Variants in NAGLU observed in about 807,000 individuals in gnomAD.
NAGLU encodes the protein N-acetyl-alpha-glucosaminidase.
Under a neutral mutation model 43.4 loss-of-function variants are expected in NAGLU, and 34 were observed. The ratio of observed to expected loss-of-function variants is 0.78; its 90% CI spans 0.60 to 1.04. NAGLU has a LOEUF of 1.04. Among genes scored for constraint, NAGLU ranks in the 50% least tolerant of loss-of-function variants. The probability of loss-of-function intolerance (pLI) is 0.00; values close to 1 mark genes in which losing one functional copy is unlikely to be tolerated. For missense variants in NAGLU, 910 were observed against 993.7 expected, an observed-to-expected ratio of 0.92 and a Z score of 1.13; for synonymous variants, 425 against 437.6, an observed-to-expected ratio of 0.97 and a Z score of 0.36.
intron 1 of NAGLU, 161 bp from the exon 2 acceptor site, chr17:42,537,237 G>A (rs2092908834): frequency 3.8e-6 from 4 of 1,057,058 alleles, no homozygotes; most frequent in Non-Finnish European, 5.6e-6. Flanking sequence ...GCCCAGCCCC[G>A]GTACCTGGTC....
chr17:42,537,230 C>T, intron 1 of NAGLU, 168 bp from the exon 2 acceptor site: 3 of 999,380 alleles, frequency 3.0e-6, no homozygotes, highest in Non-Finnish European at 4.5e-6. Flanking sequence ...CTCAGAAGCC[C>T]AGCCCCGGTA....
chr17:42,538,429 C>T lies in NAGLU; in HGVS notation c.622C>T (p.His208Tyr). The T allele has an allele frequency of 6.2e-7, 1 of 1,614,216 alleles. No individual in the cohort carries two copies. Among genetic ancestry groups the T allele is most frequent in the East Asian group, 2.2e-5 (1 of 44,892 alleles). The change falls in exon 3 of 6, where the codon CAC becomes TAC. Residue 208 changes from histidine (H) to tyrosine (Y), a missense_variant. Transcript: ENST00000225927. The part of the protein sequence containing the change: ...FLAWGRMGNL[H>Y]TWDGPLPPSW... The stretch of plus-strand genomic sequence containing the variant: ...GGCCTGGGGGCGAATGGGCAACCTG[C>T]ACACCTGGGATGGCCCCCTGCCCCC...
intron 2 of NAGLU, 148 bp downstream of exon 2, chr17:42,537,693 TCCGG>T: frequency 8.4e-7 from 1 of 1,196,420 alleles, no homozygotes; most frequent in East Asian, 2.6e-5. Flanking sequence ...AACTGAGGCT[TCCGG>T]CCGGGCGCGG....
chr17:42,542,963 G>T, intron 5 of NAGLU, 65 bp from the exon 6 acceptor site: 1 of 1,594,522 alleles, frequency 6.3e-7, no homozygotes, highest in South Asian at 1.1e-5. Flanking sequence ...AGAGTGGGGT[G>T]AACATTCCCT....
At chr17:42,536,821 T>G (rs2092907691) in intron 1 of NAGLU, 166 bp downstream of exon 1, 5 of 1,286,422 alleles carry the variant, frequency 3.9e-6, no homozygotes, top group Non-Finnish European at 4.0e-6. Flanking sequence ...TTTCAGAGCC[T>G]CGGCTGGCCC....
rs2092913122 is a variant in NAGLU at position 42,538,503 on chromosome 17, G to A, written c.678+18G>A. ...ACCTGCAGGTAAAAGGATGGAAAAG[G>A]GAAGGGGCAGAATCGGTGATAGATG... On this transcript the variant is annotated intron_variant, in intron 3 of 5. Coordinates refer to ENST00000225927, the MANE Select transcript of NAGLU (RefSeq NM_000263.4). The A allele has an allele frequency of 5.0e-6, 8 of 1,613,694 alleles. No individual in the cohort carries two copies. The highest frequency in any genetic ancestry group is 6.8e-6 in the Non-Finnish European group (8 of 1,179,984).
At chr17:42,537,086 T>G in intron 1 of NAGLU, 3 of 465,602 alleles carry the variant, frequency 6.4e-6, no homozygotes, top group African/African-American at 2.0e-5. Flanking sequence ...TGTTAGACTG[T>G]GGGGGCAGGG....
Position 42,544,387 on chromosome 17 carries a change from A to G in NAGLU, c.*149A>G. The G allele has an allele frequency of 8.4e-7, 1 of 1,187,612 alleles. No individual in the cohort carries two copies. Among genetic ancestry groups the G allele is most frequent in the Admixed American group, 2.1e-5 (1 of 47,884 alleles). The allele number at this position is 1,187,612 out of a possible 1,614,324, so 73.6% of individuals were successfully genotyped here. On this transcript the variant is annotated 3_prime_UTR_variant, in exon 6 of 6. Transcript: ENST00000225927. ...TCTGACCTGGGGGGATTGGAGGGAA[A>G]TGACCTGCCCTCCACCACCACCCAA...
At chr17:42,541,271 C>A in intron 5 of NAGLU, 65 bp downstream of exon 5, 1 of 1,597,478 alleles carries the variant, frequency 6.3e-7, no homozygotes, top group Non-Finnish European at 8.5e-7. Context: ...TAGCAGATGT[C>A]AGTAGGGGTA....
chr17:42,537,700 G>C (rs2092910591), intron 2 of NAGLU, among the ~76,000 whole-genome samples, 155 bp downstream of exon 2: 2 of 152,116 alleles, frequency 1.3e-5, no homozygotes, highest in African/African-American at 4.8e-5. Context: ...GCTTCCGGCC[G>C]GGCGCGGTGG....
At position 42,537,534 on chromosome 17, in the gene NAGLU, A is replaced by G; in HGVS notation, c.520A>G (p.Ile174Val). The change falls in exon 2 of 6, where the codon ATC (isoleucine) becomes GTC (valine). Residue 174 changes from isoleucine to valine, a missense_variant. By Grantham distance (29) the Ile-to-Val change is conservative (BLOSUM62 3). Transcript: ENST00000225927. ...ACTGGCCTGGAGCGGCCAGGAGGCC[A>G]TCTGGCAGCGGGTGCGTGCCCACTG... Reference protein sequence around the residue: ...LALAWSGQEAIWQRVYLALGL... With the variant: ...LALAWSGQEAVWQRVYLALGL... 1 of 1,613,998 alleles carries G rather than the reference A, an allele frequency of 6.2e-7. No homozygotes were observed. Among genetic ancestry groups the G allele is most frequent in the Non-Finnish European group, 8.5e-7 (1 of 1,180,000 alleles).
At chr17:42,537,236 C>A in intron 1 of NAGLU, 162 bp from the exon 2 acceptor site, 2 of 1,049,856 alleles carry the variant, frequency 1.9e-6, no homozygotes, top group Non-Finnish European at 1.4e-6. Context: ...AGCCCAGCCC[C>A]GGTACCTGGT....
At chr17:42,537,737 G>T (rs966586301) in intron 2 of NAGLU, among the ~76,000 whole-genome samples, 192 bp downstream of exon 2, 1 of 152,174 alleles carries the variant, frequency 6.6e-6, no homozygotes, top group African/African-American at 2.4e-5. Context: ...CAGCACTTCG[G>T]GAGGCCTAGG....
intron 1 of NAGLU, chr17:42,537,168 C>G (rs758034184): frequency 2.5e-5 from 15 of 589,540 alleles, no homozygotes; most frequent in East Asian, 6.2e-5. Flanking sequence ...GAATATGCCA[C>G]CCAAATACCC....
chr17:42,540,091 G>A (rs2092917495), intron 4 of NAGLU, among the ~76,000 whole-genome samples: 2 of 146,976 alleles, frequency 1.4e-5, no homozygotes, highest in Non-Finnish European at 3.0e-5. Context: ...TCCAGCCTGG[G>A]TGACAGAGTG....
rs1311969319 is a variant in NAGLU, at chr17:42,541,051, C to T, written c.866C>T (p.Pro289Leu). 6.2e-7 allele frequency: 1 copy of T among 1,614,188 alleles called. No homozygotes were observed. Among genetic ancestry groups the T allele is most frequent in the South Asian group, 1.1e-5 (1 of 91,086 alleles). ...FLLAPEDPIFPIIGSLFLREL... is the reference protein window; with the variant it reads ...FLLAPEDPIFLIIGSLFLREL... ...CTGGCTCCGGAAGACCCCATATTCC[C>T]CATCATCGGGAGCCTCTTCCTGCGA... The change falls in exon 5 of 6, where the codon CCC (proline) becomes CTC (leucine). Residue 289 changes from proline to leucine, a missense_variant. Coordinates refer to ENST00000225927, the MANE Select transcript of NAGLU (RefSeq NM_000263.4).
At chr17:42,538,530 T>C in intron 3 of NAGLU, 45 bp downstream of exon 3, 1 of 1,613,410 alleles carries the variant, frequency 6.2e-7, no homozygotes, top group Non-Finnish European at 8.5e-7. Flanking sequence ...TGATAGATGG[T>C]CATGGGCCCA....
chr17:42,542,970 C>A lies in NAGLU; in HGVS notation c.1022-58C>A. ...TCGTCTGTAGAGTGGGGTGAACATTCCCTGGGCCCTCTGTTTCATCACTCC... is the reference window on the plus strand; with the variant it reads ...TCGTCTGTAGAGTGGGGTGAACATTACCTGGGCCCTCTGTTTCATCACTCC... On this transcript the variant is annotated intron_variant, in intron 5 of 5. Transcript: ENST00000225927. 2.5e-6 allele frequency: 4 copies of A among 1,595,782 alleles called. No individual in the cohort carries two copies. In the South Asian group the frequency reaches 3.3e-5, roughly 13 times the overall value.
In NAGLU at chr17:42,543,712, A is replaced by G. The variant is rs1342456974; in HGVS notation, c.1706A>G (p.Gln569Arg). 1 of 1,612,386 alleles carries G rather than the reference A, an allele frequency of 6.2e-7. No homozygotes were observed. Among genetic ancestry groups the G allele is most frequent in the Non-Finnish European group, 8.5e-7 (1 of 1,179,982 alleles). Residue 569 changes from glutamine to arginine, a missense_variant, in exon 6 of 6, where the codon CAG (glutamine) becomes CGG (arginine). Transcript: ENST00000225927. ...DLLDLTRQAV[Q>R]ELVSLYYEEA... ...CTGGACCTCACTCGGCAGGCAGTGC[A>G]GGAGCTGGTCAGCTTGTACTATGAG... is the stretch of plus-strand genomic sequence containing the variant.
Sources: allele counts gnomAD v4.1 joint callset (sites outside exome capture counted in the v4.1 genomes callset), GRCh38; gene constraint gnomAD v4.1.1; transcripts MANE v1.5; gene names NCBI Gene and HGNC (gene_info 2026-07-23, HGNC 2026-07-21).